TRIM22: variants seen among roughly 807,000 people sequenced by gnomAD.
TRIM22 encodes tripartite motif containing 22.
Under a neutral mutation model 53.6 loss-of-function variants are expected in TRIM22, and 45 were observed. The ratio of observed to expected loss-of-function variants is 0.84; its 90% CI spans 0.66 to 1.08. TRIM22 has a LOEUF of 1.08. TRIM22 is among the 50% of genes least tolerant of loss of function. TRIM22 has a pLI of 0.00. For synonymous variants in TRIM22, 225 were observed against 216.6 expected, an observed-to-expected ratio of 1.04 and a Z score of -0.34; for missense variants, 616 against 590.9, an observed-to-expected ratio of 1.04 and a Z score of -0.44.
chr11:5,697,215 T>C (rs753233760), intron 2 of TRIM22, 33 bp from the exon 3 acceptor site: 1 of 1,539,776 alleles, frequency 6.5e-7, no homozygotes, highest in African/African-American at 1.4e-5. Flanking sequence ...AGAAAGCTCA[T>C]AACTTTACTC....
intron 1 of TRIM22, chr11:5,691,060 A>C (rs1853164630): frequency 6.6e-6 from 1 of 152,288 alleles, no homozygotes; most frequent in Non-Finnish European, 1.5e-5. Flanking sequence ...CTGCAGCTCC[A>C]CTTTGGTCTC....
At chr11:5,702,320 A>G (rs1282739829) in intron 4 of TRIM22, among the ~76,000 whole-genome samples, 1 of 146,110 alleles carries the variant, frequency 6.8e-6, no homozygotes, top group Non-Finnish European at 1.5e-5. Flanking sequence ...GCCTAATAAT[A>G]TAACTAATAT....
rs142221233 is a variant in TRIM22, at chr11:5,698,562, A to G, written c.750+17A>G. Reference sequence around the variant, plus strand: ...ATGCTGCAGGTAAGACTTGGGATGGAGCACCTACGTAAGAGATTAGGGGAA... The same window carrying G: ...ATGCTGCAGGTAAGACTTGGGATGGGGCACCTACGTAAGAGATTAGGGGAA... On this transcript the variant is annotated intron_variant, in intron 4 of 7. Transcript: ENST00000379965. The G allele has an allele frequency of 1.3e-3, 2,087 of 1,591,820 alleles. 28 individuals are homozygous for G. In the African/African-American group the frequency reaches 0.023, roughly 18 times the overall value.
At chr11:5,703,334 T>C (rs566310325) in intron 4 of TRIM22, among the ~76,000 whole-genome samples, 46 of 152,196 alleles carry the variant, frequency 3.0e-4, no homozygotes, top group Non-Finnish European at 5.1e-4. Flanking sequence ...TGCTTAGGAT[T>C]ATGGCCTCCA....
At chr11:5,697,220 TTACTC>T in intron 2 of TRIM22, 23 bp from the exon 3 acceptor site, 1 of 1,557,940 alleles carries the variant, frequency 6.4e-7, no homozygotes, top group Non-Finnish European at 8.7e-7. Flanking sequence ...GCTCATAACT[TTACTC>T]TGGTATAATT....
intron 1 of TRIM22, among the ~76,000 whole-genome samples, chr11:5,695,272 C>CTGAAT (rs1853238936): frequency 6.6e-6 from 1 of 152,026 alleles, no homozygotes; most frequent in Non-Finnish European, 1.5e-5. Context: ...TAAGAGGAGA[C>CTGAAT]TGAATTAAAT....
intron 1 of TRIM22, 117 bp from the exon 2 acceptor site, chr11:5,696,050 C>A: frequency 3.9e-6 from 2 of 509,378 alleles, no homozygotes; most frequent in Non-Finnish European, 3.4e-6. Context: ...ATTCTTCATG[C>A]CTTTCTTTTC....
chr11:5,704,253 C>CT (rs112574452), intron 4 of TRIM22, among the ~76,000 whole-genome samples: 24,188 of 151,264 alleles, frequency 0.16, 2,118 homozygotes, highest in Middle Eastern at 0.25. Context: ...CTTTATCTTT[C>CT]TTTTTTTTTC....
At chr11:5,699,898 A>C (rs1042208112) in intron 4 of TRIM22, among the ~76,000 whole-genome samples, 1 of 151,510 alleles carries the variant, frequency 6.6e-6, no homozygotes, top group Non-Finnish European at 1.5e-5. Flanking sequence ...GTGCTATTGT[A>C]ATTTTTTTTT....
chr11:5,708,284 T>G lies in TRIM22; in HGVS notation c.874+11T>G. 6.2e-7 allele frequency: 1 copy of G among 1,607,518 alleles called. No homozygotes were observed. Among genetic ancestry groups the G allele is most frequent in the Non-Finnish European group, 8.5e-7 (1 of 1,174,038 alleles). ...TGCAAGTTCTTAAAGGTAAGGGGAT[T>G]CAGGGGAAGGCTGTGAATGTGGATT... On this transcript the variant is annotated intron_variant, in intron 6 of 7. Transcript: ENST00000379965.
chr11:5,709,496 T>C lies in TRIM22; in HGVS notation c.1345T>C (p.Tyr449His). ...PPCRIGVFLD[Y>H]EAGIVSFFNV... ...CTGTCGTATTGGGGTTTTCCTAGAC[T>C]ATGAGGCAGGCATTGTCTCATTTTT... The change falls in exon 8 of 8, where the codon TAT becomes CAT. Residue 449 changes from tyrosine (Y) to histidine (H), a missense_variant. Coordinates refer to ENST00000379965, the MANE Select transcript of TRIM22 (RefSeq NM_006074.5). The C allele has an allele frequency of 6.2e-7, 1 of 1,614,206 alleles. No homozygotes were observed.
chr11:5,692,962 G>A (rs1200381967), intron 1 of TRIM22, among the ~76,000 whole-genome samples: 1 of 147,524 alleles, frequency 6.8e-6, no homozygotes, highest in Non-Finnish European at 1.5e-5. Flanking sequence ...TGCAACCTCC[G>A]CCTCCTGGGT....
intron 4 of TRIM22, among the ~76,000 whole-genome samples, chr11:5,703,261 A>G (rs1228212628): frequency 6.6e-6 from 1 of 152,170 alleles, no homozygotes; most frequent in Non-Finnish European, 1.5e-5. Context: ...CGTATGCTCA[A>G]TAGTTAGCTT....
intron 4 of TRIM22, among the ~76,000 whole-genome samples, chr11:5,703,838 G>A (rs1310484866): frequency 2.6e-5 from 4 of 152,128 alleles, no homozygotes; most frequent in Admixed American, 2.6e-4. Flanking sequence ...CAAAAGTCAT[G>A]AACAGACATT....
chr11:5,697,169 C>G, intron 2 of TRIM22, 79 bp from the exon 3 acceptor site: 1 of 1,094,846 alleles, frequency 9.1e-7, no homozygotes, highest in Non-Finnish European at 1.3e-6. Flanking sequence ...TGAGAGCCAT[C>G]CAATTTCTTC....
At position 5,697,398 on chromosome 11, in the gene TRIM22, G is replaced by A. The variant is rs547975419; in HGVS notation, c.519+55G>A. 240 of 1,351,780 alleles carry A rather than the reference G, an allele frequency of 1.8e-4. 1 individual carries two copies. In the African/African-American group the frequency reaches 2.8e-3, roughly 16 times the overall value. 83.7% of individuals were successfully genotyped at this position (1,351,780 alleles called of 1,614,324 possible). ...TAGACAGGAATCTGGGCAGGACCCT[G>A]GGCTCTATCACAAGGAGACCCCTTC... On this transcript the variant is annotated intron_variant, in intron 3 of 7. Coordinates refer to ENST00000379965, the MANE Select transcript of TRIM22 (RefSeq NM_006074.5).
At chr11:5,702,255 A>C (rs934518764) in intron 4 of TRIM22, among the ~76,000 whole-genome samples, 8 of 145,094 alleles carry the variant, frequency 5.5e-5, no homozygotes, top group Non-Finnish European at 1.1e-4. Context: ...ATATATAGTT[A>C]TATATAATAT....
intron 7 of TRIM22, 89 bp downstream of exon 7, chr11:5,708,692 C>T: frequency 8.4e-7 from 1 of 1,185,574 alleles, no homozygotes; most frequent in South Asian, 1.5e-5. Context: ...TGTTCCTCCC[C>T]AAACATGCTT....
At chr11:5,695,547 T>C (rs1046016764) in intron 1 of TRIM22, among the ~76,000 whole-genome samples, 2 of 149,158 alleles carry the variant, frequency 1.3e-5, no homozygotes, top group African/African-American at 4.9e-5. Context: ...GGGATCAGAA[T>C]AGGAGTGATG....
Sources: gnomAD v4.1 joint callset for allele counts (sites outside exome capture counted in the v4.1 genomes callset) on GRCh38, gnomAD v4.1.1 for gene constraint, MANE v1.5 for transcripts, NCBI Gene and HGNC (gene_info 2026-07-23, HGNC 2026-07-21) for gene names.